Variants in NLRC5 observed in about 807,000 individuals in gnomAD.
NLRC5 encodes NLR family CARD domain containing 5.
In NLRC5, 114 loss-of-function variants were observed where a neutral mutation model predicts 206.9. That is an observed-to-expected ratio of 0.55 (90% CI 0.47 to 0.64). The LOEUF (loss-of-function observed/expected upper bound fraction) is 0.64. Ranked by LOEUF, NLRC5 falls within the 30% of genes least tolerant of loss-of-function variation. NLRC5 has a pLI of 0.00. For missense variants in NLRC5, 2,008 were observed against 2,305.5 expected, an observed-to-expected ratio of 0.87 and a Z score of 2.64; for synonymous variants, 952 against 962.8, an observed-to-expected ratio of 0.99 and a Z score of 0.21.
intron 40 of NLRC5, 51 bp from the exon 41 acceptor site, chr16:57,077,245 G>A: frequency 6.5e-7 from 1 of 1,537,364 alleles, no homozygotes; most frequent in African/African-American, 1.4e-5. Context: ...GGAGTGGGGT[G>A]TGGACAAGAT....
chr16:57,033,757 AG>A, intron 12 of NLRC5, 88 bp downstream of exon 12: 1 of 1,265,066 alleles, frequency 7.9e-7, no homozygotes, highest in Non-Finnish European at 1.1e-6. Context: ...GGGAGGATAA[AG>A]GGAAAAGCAG....
At chr16:57,041,012 G>C (rs1209413715) in intron 17 of NLRC5, among the ~76,000 whole-genome samples, 1 of 152,134 alleles carries the variant, frequency 6.6e-6, no homozygotes, top group Non-Finnish European at 1.5e-5. Flanking sequence ...GAAAAGAGGT[G>C]AAGGGGAGCA....
chr16:57,055,440 A>G lies in NLRC5; in HGVS notation c.3667A>G (p.Thr1223Ala), dbSNP rs1444717250. 1 of 1,613,698 alleles carries G rather than the reference A, an allele frequency of 6.2e-7. No homozygotes were observed. The highest frequency in any genetic ancestry group is 1.3e-5 in the African/African-American group (1 of 74,872). ...CCCTTTACCTCCGTCCAGCAGGTTC[A>G]CAGGCTGCAGCCTCAGCCAGGAGCA... ...EEEGVCCGRF[T>A]GCSLSQEHVE... The change falls in exon 27 of 49, where the codon ACA becomes GCA. Residue 1223 changes from threonine to alanine, a missense_variant. By Grantham distance (58) the Thr-to-Ala change is moderately conservative. Coordinates refer to ENST00000688547, the MANE Select transcript of NLRC5 (RefSeq NM_001384950.1).
At position 57,011,824 on chromosome 16, in the gene NLRC5, GAAA is replaced by G. The variant is rs559517384; in HGVS notation, c.-127-5244_-127-5242del. Among the ~76,000 whole-genome samples, 91 of 151,552 alleles carry G rather than the reference GAAA, an allele frequency of 6.0e-4. No homozygotes were observed. The South Asian group carries it at 0.018, about 31-fold the overall frequency. Reference sequence around the variant, plus strand: ...TGTTTGTTGCCATTTTTACTATACAGAAAAAAAAGGCAATAAAGAATACATTAT... The same window carrying G: ...TGTTTGTTGCCATTTTTACTATACAGAAAAAGGCAATAAAGAATACATTAT... On this transcript the variant is annotated intron_variant, in intron 1 of 48. Coordinates refer to ENST00000688547, the MANE Select transcript of NLRC5 (RefSeq NM_001384950.1).
chr16:57,062,223 G>A, intron 32 of NLRC5: 2 of 453,200 alleles, frequency 4.4e-6, no homozygotes, highest in South Asian at 3.4e-5. Flanking sequence ...TCACCGTGAA[G>A]CTCCAAAAAA....
intron 22 of NLRC5, among the ~76,000 whole-genome samples, chr16:57,046,995 C>T (rs560022213): frequency 3.9e-5 from 6 of 152,336 alleles, no homozygotes; most frequent in Non-Finnish European, 8.8e-5. Context: ...CACTAATACA[C>T]TCCCCATCTG....
chr16:57,042,757 C>T (rs530675152), intron 19 of NLRC5, among the ~76,000 whole-genome samples: 3 of 152,298 alleles, frequency 2.0e-5, no homozygotes, highest in Non-Finnish European at 2.9e-5. Context: ...GGTTCCCAGT[C>T]GGTAAATACA....
chr16:57,079,722 C>A, intron 46 of NLRC5, 93 bp downstream of exon 46: 1 of 960,272 alleles, frequency 1.0e-6, no homozygotes, highest in Non-Finnish European at 1.7e-6. Context: ...TGGCCTGGAG[C>A]TGCTCCCATC....
At position 57,013,318 on chromosome 16, in the gene NLRC5, A is replaced by G. The variant is rs559580918; in HGVS notation, c.-127-3756A>G. On this transcript the variant is annotated intron_variant, in intron 1 of 48. Coordinates refer to ENST00000688547, the MANE Select transcript of NLRC5 (RefSeq NM_001384950.1). ...TGTCATTTCTAAGCTGACGGTCATA[A>G]TGACTAAAACCTCTCATAGATTTTA... The G allele has an allele frequency of 3.0e-5, 18 of 595,842 alleles. No individual in the cohort carries two copies. The Admixed American group carries it at 4.6e-4, about 15-fold the overall frequency. 36.9% of individuals were successfully genotyped at this position (595,842 alleles called of 1,614,324 possible).
chr16:57,074,597 C>A lies in NLRC5; in HGVS notation c.4668-3C>A, dbSNP rs1286896804. On this transcript the variant is annotated splice_polypyrimidine_tract_variant and splice_region_variant and intron_variant, in intron 38 of 48. Transcript: ENST00000688547. ...CAAGTTCACCTGGCCTCCTCTTCTC[C>A]AGCCTCAGTCACCTTCTGCTGAACA... is the stretch of plus-strand genomic sequence containing the variant. 6.2e-7 allele frequency: 1 copy of A among 1,613,854 alleles called. No homozygotes were observed. Among genetic ancestry groups the A allele is most frequent in the East Asian group, 2.2e-5 (1 of 44,882 alleles).
At chr16:57,051,435 G>T in intron 23 of NLRC5, 103 bp from the exon 24 acceptor site, 1 of 793,758 alleles carries the variant, frequency 1.3e-6, no homozygotes, top group South Asian at 1.5e-5. Context: ...TGTTTCAGGT[G>T]ACCCTGGTTA....
intron 38 of NLRC5, among the ~76,000 whole-genome samples, chr16:57,071,399 G>A (rs111857157): frequency 0.033 from 4,737 of 144,870 alleles, 244 homozygotes; most frequent in African/African-American, 0.12. Context: ...TGGTTAATGG[G>A]GAAGTGTTGT....
At position 57,058,046 on chromosome 16, in the gene NLRC5, T is replaced by C; in HGVS notation, c.3747-19T>C. 1 of 1,606,196 alleles carries C rather than the reference T, an allele frequency of 6.2e-7. No individual in the cohort carries two copies. Among genetic ancestry groups the C allele is most frequent in the South Asian group, 1.1e-5 (1 of 90,170 alleles). ...AGGAGGCACCTCTGATCCCCGCCACTGCTCCTTACCCCCTACAGTCTCTCA... is the reference window on the plus strand; with the variant it reads ...AGGAGGCACCTCTGATCCCCGCCACCGCTCCTTACCCCCTACAGTCTCTCA... On this transcript the variant is annotated intron_variant, in intron 27 of 48. Coordinates refer to ENST00000688547, the MANE Select transcript of NLRC5 (RefSeq NM_001384950.1).
intron 36 of NLRC5, among the ~76,000 whole-genome samples, chr16:57,069,596 G>A (rs1281153830): frequency 6.6e-6 from 1 of 152,252 alleles, no homozygotes; most frequent in Non-Finnish European, 1.5e-5. Context: ...GGCTTAAGTT[G>A]TGAAGTTGCT....
At position 57,077,286 on chromosome 16, in the gene NLRC5, C is replaced by G; in HGVS notation, c.4836-10C>G. 2 of 1,613,486 alleles carry G rather than the reference C, an allele frequency of 1.2e-6. No homozygotes were observed. Among genetic ancestry groups the G allele is most frequent in the Non-Finnish European group, 1.7e-6 (2 of 1,179,444 alleles). ...GGCAGAAGGCTGATGAAGCTGTTTTCTCCCCCAAGCTTGAGCCACAACCAG... is the reference window on the plus strand; with the variant it reads ...GGCAGAAGGCTGATGAAGCTGTTTTGTCCCCCAAGCTTGAGCCACAACCAG... On this transcript the variant is annotated splice_polypyrimidine_tract_variant and intron_variant, in intron 40 of 48. Coordinates refer to ENST00000688547, the MANE Select transcript of NLRC5 (RefSeq NM_001384950.1).
At chr16:57,076,670 C>T in intron 39 of NLRC5, 149 bp from the exon 40 acceptor site, 1 of 690,748 alleles carries the variant, frequency 1.4e-6, no homozygotes, top group South Asian at 1.7e-5. Flanking sequence ...GCTCACCACT[C>T]CCCACCTGCC....
intron 5 of NLRC5, 151 bp downstream of exon 5, chr16:57,024,004 C>A: frequency 1.4e-6 from 1 of 740,130 alleles, no homozygotes; most frequent in Non-Finnish European, 2.2e-6. Flanking sequence ...GACTGGAGGT[C>A]TTGCACAGGC....
chr16:57,063,878 A>G (rs1440800065), intron 32 of NLRC5, among the ~76,000 whole-genome samples: 2 of 151,948 alleles, frequency 1.3e-5, no homozygotes, highest in Non-Finnish European at 2.9e-5. Flanking sequence ...AGCTGGGACT[A>G]CAGGTGCCCG....
intron 39 of NLRC5, among the ~76,000 whole-genome samples, chr16:57,075,549 G>A (rs949539035): frequency 2.6e-5 from 4 of 152,096 alleles, no homozygotes; most frequent in South Asian, 2.1e-4. Flanking sequence ...ACAAGCTTCC[G>A]GGTGGTATCA....
Sources: allele counts gnomAD v4.1 joint callset (sites outside exome capture counted in the v4.1 genomes callset), GRCh38; gene constraint gnomAD v4.1.1; transcripts MANE v1.5; gene names NCBI Gene and HGNC (gene_info 2026-07-23, HGNC 2026-07-21).